The following CNTNAP4 variants were observed in gnomAD, a reference collection of about 807,000 sequenced individuals.
CNTNAP4 encodes contactin-associated protein-like 4.
Under a neutral mutation model 148.4 loss-of-function variants are expected in CNTNAP4, and 98 were observed. The observed-to-expected ratio is 0.66, with a 90% CI of 0.56 to 0.78. CNTNAP4 has a LOEUF of 0.78. Among genes scored for constraint, CNTNAP4 ranks in the 30% least tolerant of loss-of-function variants. CNTNAP4 has a pLI of 0.00. For synonymous variants in CNTNAP4, 730 were observed against 565.1 expected (o/e 1.29, Z -4.14); for missense variants, 1,935 against 1,565.6 (o/e 1.24, Z -3.98).
At chr16:76,537,352 G>A (rs902240105) in intron 18 of CNTNAP4, among the ~76,000 whole-genome samples, 1 of 152,094 alleles carries the variant, frequency 6.6e-6, no homozygotes, top group Non-Finnish European at 1.5e-5. Context: ...TCAATAACCA[G>A]TCCTTTTTCA....
At chr16:76,454,251 A>AT (rs1351233076) in intron 8 of CNTNAP4, among the ~76,000 whole-genome samples, 1 of 151,722 alleles carries the variant, frequency 6.6e-6, no homozygotes, top group Non-Finnish European at 1.5e-5. Flanking sequence ...AGTAACTGGG[A>AT]TTACAGGCAT....
chr16:76,535,612 C>A lies in CNTNAP4; in HGVS notation c.2823C>A (p.Thr941=). The A allele has an allele frequency of 6.2e-7, 1 of 1,613,508 alleles. No homozygotes were observed. The highest frequency in any genetic ancestry group is 8.5e-7 in the Non-Finnish European group (1 of 1,180,004). ...CIRSLQLNGM[T]LDLEERAQVT... Reference sequence around the variant, plus strand: ...GGTCTCTGCAGTTGAATGGGATGACCCTGGATTTGGAAGAAAGAGCCCAGG... The same window carrying A: ...GGTCTCTGCAGTTGAATGGGATGACACTGGATTTGGAAGAAAGAGCCCAGG... The change falls in exon 18 of 24, where the codon ACC becomes ACA. Residue 941 remains threonine, a synonymous_variant. Transcript: ENST00000611870.
chr16:76,295,846 C>T (rs1047953028), intron 1 of CNTNAP4, among the ~76,000 whole-genome samples: 4 of 152,122 alleles, frequency 2.6e-5, no homozygotes, highest in African/African-American at 9.7e-5. Flanking sequence ...GAAACAGAGT[C>T]TTGCTCTTTC....
At chr16:76,336,546 A>G (rs1964044815) in intron 2 of CNTNAP4, among the ~76,000 whole-genome samples, 1 of 152,222 alleles carries the variant, frequency 6.6e-6, no homozygotes, top group African/African-American at 2.4e-5. Flanking sequence ...TTTAGGCTTT[A>G]TTTTAAAAAT....
intron 3 of CNTNAP4, among the ~76,000 whole-genome samples, chr16:76,360,205 A>G (rs921113184): frequency 2.0e-5 from 3 of 152,154 alleles, no homozygotes; most frequent in Admixed American, 6.5e-5. Context: ...TTGGCTGGTG[A>G]AAGACACAGA....
At chr16:76,350,760 T>A (rs376578369) in intron 2 of CNTNAP4, among the ~76,000 whole-genome samples, 13 of 152,354 alleles carry the variant, frequency 8.5e-5, no homozygotes, top group African/African-American at 2.9e-4. Flanking sequence ...TTAATTCTCA[T>A]AACAATACTA....
rs541197128 is a variant in CNTNAP4, at chr16:76,387,526, G to T, written c.390+32015G>T. On this transcript the variant is annotated intron_variant, in intron 3 of 23. Transcript: ENST00000611870. ...TAGTGCTTTATATATTTTAAATCAT[G>T]TACTAAGTAATAGCTTGGTATTTAT... Among the ~76,000 whole-genome samples the T allele has an allele frequency of 1.2e-4, 18 of 152,192 alleles. No individual in the cohort carries two copies. In the South Asian group the frequency reaches 3.5e-3, roughly 30 times the overall value.
rs1300437633 is a variant in CNTNAP4, at chr16:76,535,798, G to A, written c.2995+14G>A. 1 of 1,605,362 alleles carries A rather than the reference G, an allele frequency of 6.2e-7. No homozygotes were observed. Among genetic ancestry groups the A allele is most frequent in the Non-Finnish European group, 8.5e-7 (1 of 1,173,792 alleles). The stretch of plus-strand genomic sequence containing the variant: ...TCTGCTCAAATGGTAAGTGTGGCAT[G>A]GAAGACTGTAAGAGGAAAATTTATT... On this transcript the variant is annotated intron_variant, in intron 18 of 23. Transcript: ENST00000611870.
chr16:76,554,257 A>G (rs1381474148), intron 23 of CNTNAP4, among the ~76,000 whole-genome samples: 1 of 152,170 alleles, frequency 6.6e-6, no homozygotes, highest in Admixed American at 6.5e-5. Flanking sequence ...GTTTTTCTTC[A>G]CTTCTTGGAC....
chr16:76,464,500 A>C (rs1391857682), intron 9 of CNTNAP4, among the ~76,000 whole-genome samples: 1 of 152,084 alleles, frequency 6.6e-6, no homozygotes, highest in Non-Finnish European at 1.5e-5. Flanking sequence ...GCTGCTCTCT[A>C]TCACTAGGAT....
In CNTNAP4 at chr16:76,448,151, G is replaced by T; in HGVS notation, c.678G>T (p.Gly226=). 1 of 1,613,458 alleles carries T rather than the reference G, an allele frequency of 6.2e-7. No homozygotes were observed. Among genetic ancestry groups the T allele is most frequent in the Non-Finnish European group, 8.5e-7 (1 of 1,179,498 alleles). Residue 226 remains glycine, a synonymous_variant, in exon 5 of 24, where the codon GGG becomes GGT. Coordinates refer to ENST00000611870, the MANE Select transcript of CNTNAP4 (RefSeq NM_033401.5). ...QSDGILLHRE[G]PNGDHITLQL... is the part of the protein sequence containing the mutation. ...ATGGGATTCTACTCCACAGGGAAGG[G>T]CCAAATGGAGATCACATCACACTGC...
chr16:76,534,564 A>G (rs895413257), intron 17 of CNTNAP4, among the ~76,000 whole-genome samples: 8 of 152,108 alleles, frequency 5.3e-5, no homozygotes. Context: ...CCTGGACACA[A>G]ATTTATGTAT....
chr16:76,533,869 G>A (rs2084098542), intron 17 of CNTNAP4, among the ~76,000 whole-genome samples: 1 of 152,078 alleles, frequency 6.6e-6, no homozygotes, highest in African/African-American at 2.4e-5. Context: ...TAAGACCTTG[G>A]CATCCTTCAC....
Position 76,516,011 on chromosome 16 carries a change from G to A in CNTNAP4, c.2366-5129G>A, listed in dbSNP as rs139753569. Among the ~76,000 whole-genome samples, 168 of 152,260 alleles carry A rather than the reference G, an allele frequency of 1.1e-3. 2 individuals are homozygous for A. The East Asian group carries it at 0.027, about 24-fold the overall frequency. ...ACATAGGTGTGTATGTGCCACAGGC[G>A]TTGGCTGCACCTATCAACCCGTCAT... On this transcript the variant is annotated intron_variant, in intron 15 of 23. Transcript: ENST00000611870.
intron 22 of CNTNAP4, 35 bp downstream of exon 22, chr16:76,553,536 C>A (rs368189381): frequency 4.8e-6 from 7 of 1,443,902 alleles, no homozygotes; most frequent in African/African-American, 2.8e-5. Context: ...CAGTCACAGA[C>A]GTAGCTTGTC....
intron 3 of CNTNAP4, among the ~76,000 whole-genome samples, chr16:76,379,822 G>A (rs1464802352): frequency 6.6e-6 from 1 of 152,166 alleles, no homozygotes; most frequent in Non-Finnish European, 1.5e-5. Flanking sequence ...TCATGGATCC[G>A]TAATATTCTT....
At chr16:76,317,252 C>CAAAAAAAAAAAAAAAA (rs11149891) in intron 2 of CNTNAP4, among the ~76,000 whole-genome samples, 2 of 86,268 alleles carry the variant, frequency 2.3e-5, no homozygotes, top group African/African-American at 8.2e-5. Context: ...GACCCTGTCT[C>CAAAAAAAAAAAAAAAA]AAAAAAAAAA....
Position 76,559,798 on chromosome 16 carries a change from C to T in CNTNAP4, c.*1115C>T, listed in dbSNP as rs1163554304. 2.0e-5 allele frequency among the ~76,000 whole-genome samples: 3 copies of T among 152,076 alleles called. No homozygotes were observed. Among genetic ancestry groups the T allele is most frequent in the African/African-American group, 7.2e-5 (3 of 41,410 alleles). On this transcript the variant is annotated 3_prime_UTR_variant, in exon 24 of 24. Coordinates refer to ENST00000611870, the MANE Select transcript of CNTNAP4 (RefSeq NM_033401.5). Reference sequence around the variant, plus strand: ...TATACCCCTTTAGGTGTACATTTTGCTGTGCATAGACTTCCAGTACATACT... The same window carrying T: ...TATACCCCTTTAGGTGTACATTTTGTTGTGCATAGACTTCCAGTACATACT...
chr16:76,345,516 C>T (rs1467815564), intron 2 of CNTNAP4, among the ~76,000 whole-genome samples: 1 of 152,082 alleles, frequency 6.6e-6, no homozygotes, highest in South Asian at 2.1e-4. Flanking sequence ...GAAACAATTC[C>T]GTTGAAGCGC....
Sources: allele counts gnomAD v4.1 joint callset (sites outside exome capture counted in the v4.1 genomes callset), GRCh38; gene constraint gnomAD v4.1.1; transcripts MANE v1.5; gene names NCBI Gene and HGNC (gene_info 2026-07-23, HGNC 2026-07-21).